FOCAD: variants seen among roughly 807,000 people sequenced by gnomAD.
The protein encoded by FOCAD is KIAA1797.
Under a neutral mutation model 225.6 loss-of-function variants are expected in FOCAD, and 198 were observed. That is an observed-to-expected ratio of 0.88 (90% CI 0.78 to 0.99). FOCAD has a LOEUF of 0.99. Ranked by LOEUF, FOCAD falls within the 50% of genes least tolerant of loss-of-function variation. FOCAD has a pLI of 0.00. For synonymous variants in FOCAD, 897 were observed against 755.0 expected (o/e 1.19, Z -3.08); for missense variants, 2,713 against 2,123.6 (o/e 1.28, Z -5.46).
At chr9:20,977,256 G>C (rs770762897) in intron 36 of FOCAD, among the ~76,000 whole-genome samples, 2 of 152,146 alleles carry the variant, frequency 1.3e-5, no homozygotes, top group African/African-American at 4.8e-5. Context: ...CATAATCCAG[G>C]ATAATCTCTC....
At chr9:20,991,144 C>A (rs1008345038) in intron 42 of FOCAD, among the ~76,000 whole-genome samples, 8 of 152,106 alleles carry the variant, frequency 5.3e-5, no homozygotes, top group African/African-American at 1.9e-4. Context: ...ACATATGACC[C>A]AAAAGGAAAC....
intron 33 of FOCAD, 63 bp from the exon 34 acceptor site, chr9:20,950,933 A>G (rs1460037636): frequency 7.1e-7 from 1 of 1,413,438 alleles, no homozygotes; most frequent in African/African-American, 1.4e-5. Context: ...TCTGTGAGTG[A>G]CCTTTTATTG....
At chr9:20,780,771 T>A (rs1045498436) in intron 9 of FOCAD, among the ~76,000 whole-genome samples, 10 of 152,240 alleles carry the variant, frequency 6.6e-5, no homozygotes, top group African/African-American at 1.9e-4. Flanking sequence ...ATTCATTTCC[T>A]GTTATATTAA....
rs565976519 is a variant in FOCAD, at chr9:20,698,940, T to C, written c.-33+14647T>C. Among the ~76,000 whole-genome samples the C allele has an allele frequency of 3.0e-4, 46 of 152,338 alleles. No individual in the cohort carries two copies. In the South Asian group the frequency reaches 9.3e-3, roughly 31 times the overall value. The stretch of plus-strand genomic sequence containing the variant: ...AGAACTTGAAGGATGTATGCCACAC[T>C]TTGGGATATAGCCAAGAAGTGTCAG... On this transcript the variant is annotated intron_variant, in intron 1 of 43. Coordinates refer to ENST00000338382, the MANE Select transcript of FOCAD (RefSeq NM_001375567.1).
At chr9:20,820,836 C>T in intron 13 of FOCAD, 105 bp from the exon 14 acceptor site, 2 of 1,239,236 alleles carry the variant, frequency 1.6e-6, no homozygotes, top group Non-Finnish European at 2.3e-6. Flanking sequence ...GTATAATTTG[C>T]AATGCAAATG....
intron 1 of FOCAD, among the ~76,000 whole-genome samples, chr9:20,694,962 G>A (rs973670351): frequency 2.0e-5 from 3 of 152,050 alleles, no homozygotes; most frequent in African/African-American, 7.2e-5. Flanking sequence ...ATATAATTTG[G>A]TTACTATGTC....
chr9:20,723,281 A>G (rs7046718), intron 4 of FOCAD, among the ~76,000 whole-genome samples: 1 of 152,220 alleles, frequency 6.6e-6, no homozygotes, highest in African/African-American at 2.4e-5. Context: ...TGAGGTCAGG[A>G]GTTCGAGACC....
chr9:20,764,399 G>T (rs1052422853), intron 6 of FOCAD, among the ~76,000 whole-genome samples: 1 of 152,228 alleles, frequency 6.6e-6, no homozygotes, highest in African/African-American at 2.4e-5. Flanking sequence ...GACTACAGGT[G>T]CATGCCACCA....
chr9:20,919,189 C>A (rs141905621), intron 24 of FOCAD, among the ~76,000 whole-genome samples: 2,276 of 152,168 alleles, frequency 0.015, 45 homozygotes, highest in East Asian at 0.045. Context: ...CAGAGAGCCA[C>A]ATCATGAGTG....
chr9:20,842,472 A>T (rs1035085703), intron 15 of FOCAD, among the ~76,000 whole-genome samples: 3 of 151,218 alleles, frequency 2.0e-5, no homozygotes, highest in Admixed American at 2.0e-4. Flanking sequence ...TGCTGCATTA[A>T]CCCCTTTATC....
At chr9:20,834,448 A>G (rs747582282) in intron 15 of FOCAD, among the ~76,000 whole-genome samples, 9 of 152,082 alleles carry the variant, frequency 5.9e-5, no homozygotes, top group Admixed American at 3.9e-4. Context: ...TTGGAACTTA[A>G]AAGTTGGAAA....
chr9:20,659,878 C>A (rs570731287), intron 2 of FOCAD, among the ~76,000 whole-genome samples: 92 of 152,232 alleles, frequency 6.0e-4, no homozygotes, highest in Non-Finnish European at 1.1e-3. Context: ...CAGTGACCAT[C>A]GGAGTGGTGC....
intron 19 of FOCAD, among the ~76,000 whole-genome samples, chr9:20,881,512 C>G (rs1362049825): frequency 6.6e-6 from 1 of 152,088 alleles, no homozygotes; most frequent in Non-Finnish European, 1.5e-5. Flanking sequence ...ATTCAGTAAA[C>G]TAGTTTTTAC....
At chr9:20,983,298 G>A (rs1840870820) in intron 39 of FOCAD, among the ~76,000 whole-genome samples, 1 of 152,126 alleles carries the variant, frequency 6.6e-6, no homozygotes, top group African/African-American at 2.4e-5. Context: ...TTGGGGCCAG[G>A]TGCGGTGGCT....
At position 20,724,249 on chromosome 9, in the gene FOCAD, A is replaced by C. The variant is rs530286481; in HGVS notation, c.287+3715A>C. 3.9e-5 allele frequency among the ~76,000 whole-genome samples: 6 copies of C among 152,322 alleles called. No homozygotes were observed. In the East Asian group the frequency reaches 9.6e-4, roughly 24 times the overall value. Reference sequence around the variant, plus strand: ...TCTATTTTTTTTCTAGCTGCATAATATTCCATTGTGTGGATGAGCCATAAT... The same window carrying C: ...TCTATTTTTTTTCTAGCTGCATAATCTTCCATTGTGTGGATGAGCCATAAT... On this transcript the variant is annotated intron_variant, in intron 4 of 43. Transcript: ENST00000338382.
chr9:20,853,014 T>G (rs918491283), intron 15 of FOCAD, among the ~76,000 whole-genome samples: 4 of 151,698 alleles, frequency 2.6e-5, no homozygotes, highest in African/African-American at 9.7e-5. Context: ...CTCTGATTAT[T>G]GTGGGGGAAT....
intron 15 of FOCAD, among the ~76,000 whole-genome samples, chr9:20,830,526 C>A (rs549576614): frequency 2.2e-4 from 34 of 152,066 alleles, no homozygotes; most frequent in Non-Finnish European, 4.6e-4. Context: ...TTCATTATTT[C>A]ACAGAGTTTC....
chr9:20,938,894 T>C (rs915266184), intron 28 of FOCAD, among the ~76,000 whole-genome samples: 2 of 152,050 alleles, frequency 1.3e-5, no homozygotes, highest in Admixed American at 1.3e-4. Flanking sequence ...AATGTATTAT[T>C]ACCACTGAAC....
intron 15 of FOCAD, among the ~76,000 whole-genome samples, chr9:20,856,542 C>T (rs1828203465): frequency 6.6e-6 from 1 of 151,876 alleles, no homozygotes; most frequent in African/African-American, 2.4e-5. Context: ...TGTGGGTTGT[C>T]TCCTCGCTTT....
Sources: allele counts gnomAD v4.1 joint callset (sites outside exome capture counted in the v4.1 genomes callset), GRCh38; gene constraint gnomAD v4.1.1; transcripts MANE v1.5; gene names NCBI Gene and HGNC (gene_info 2026-07-23, HGNC 2026-07-21).